PCDHGA6: variants seen among roughly 807,000 people sequenced by gnomAD.
PCDHGA6 encodes protocadherin gamma-A6.
A neutral mutation model predicts 60.6 loss-of-function variants in PCDHGA6; 41 were observed. The observed-to-expected ratio is 0.68, with a 90% CI of 0.53 to 0.88. PCDHGA6 has a LOEUF of 0.88. Ranked by LOEUF, PCDHGA6 falls within the 40% of genes least tolerant of loss-of-function variation. The probability of loss-of-function intolerance (pLI) is 0.00; values close to 1 mark genes in which losing one functional copy is unlikely to be tolerated. For synonymous variants in PCDHGA6, 594 were observed against 524.4 expected, an observed-to-expected ratio of 1.13 and a Z score of -1.81; for missense variants, 1,312 against 1,203.0, an observed-to-expected ratio of 1.09 and a Z score of -1.34.
At chr5:141,383,138 G>A (rs538619604) in intron 1 of PCDHGA6, 56 of 1,614,132 alleles carry the variant, frequency 3.5e-5, no homozygotes, top group Admixed American at 2.7e-4. Flanking sequence ...CTGAACCAGC[G>A]CAGCGGCAGC....
At chr5:141,438,896 CCT>C (rs886177991) in intron 1 of PCDHGA6, among the ~76,000 whole-genome samples, 30 of 151,820 alleles carry the variant, frequency 2.0e-4, no homozygotes, top group Non-Finnish European at 7.4e-5. Context: ...GAACTCCTGA[CCT>C]CAGGTGATCC....
At chr5:141,449,796 A>G (rs1358409274) in intron 1 of PCDHGA6, among the ~76,000 whole-genome samples, 2 of 151,590 alleles carry the variant, frequency 1.3e-5, no homozygotes, top group Admixed American at 6.6e-5. Context: ...TTATTCCTAA[A>G]TACCTCATTG....
At chr5:141,389,811 G>A in intron 1 of PCDHGA6, 1 of 1,613,822 alleles carries the variant, frequency 6.2e-7, no homozygotes, top group Non-Finnish European at 8.5e-7. Flanking sequence ...CCTTCTGGTC[G>A]CCGTGCGTGA....
chr5:141,452,364 A>G (rs1330623001), intron 1 of PCDHGA6, among the ~76,000 whole-genome samples: 1 of 152,188 alleles, frequency 6.6e-6, no homozygotes, highest in African/African-American at 2.4e-5. Flanking sequence ...GCCTTGCTTC[A>G]TTTTAGTAGG....
chr5:141,478,293 T>C (rs2099444312), intron 1 of PCDHGA6: 2 of 1,614,026 alleles, frequency 1.2e-6, no homozygotes. Context: ...TCTAGAGACC[T>C]ATACCGAGCC....
chr5:141,442,153 C>T, intron 1 of PCDHGA6: 1 of 158,698 alleles, frequency 6.3e-6, no homozygotes, highest in Non-Finnish European at 1.4e-5. Flanking sequence ...CAGACCTCAG[C>T]GATCACTCTG....
chr5:141,402,977 C>T, intron 1 of PCDHGA6: 2 of 1,608,138 alleles, frequency 1.2e-6, no homozygotes, highest in Non-Finnish European at 8.5e-7. Flanking sequence ...CAAATGCCAG[C>T]TCCGCGGAAG....
chr5:141,414,009 TGGA>T (rs2095701451), intron 1 of PCDHGA6: 2 of 1,612,964 alleles, frequency 1.2e-6, no homozygotes, highest in Middle Eastern at 1.7e-4. Context: ...AAGGTGCCAA[TGGA>T]GAAGTGACAT....
intron 1 of PCDHGA6, among the ~76,000 whole-genome samples, chr5:141,455,410 G>A (rs1332059386): frequency 6.6e-6 from 1 of 152,130 alleles, no homozygotes; most frequent in Non-Finnish European, 1.5e-5. Context: ...CAGAGACAGA[G>A]GGAGCGGGGC....
intron 1 of PCDHGA6, chr5:141,423,397 C>A: frequency 1.9e-6 from 3 of 1,614,146 alleles, no homozygotes; most frequent in Non-Finnish European, 2.5e-6. Context: ...GCATAAGTCA[C>A]GCCTGCTGCA....
chr5:141,383,786 C>T, intron 1 of PCDHGA6: 1 of 1,613,928 alleles, frequency 6.2e-7, no homozygotes, highest in South Asian at 1.1e-5. Context: ...CATCTGAACT[C>T]GCTTACAGGA....
In PCDHGA6 at chr5:141,374,042, C is replaced by G. The variant is rs757758510; in HGVS notation, c.-42C>G. On this transcript the variant is annotated 5_prime_UTR_variant, in exon 1 of 4. Transcript: ENST00000517434. ...AGAGCAAAAGTGATGCAGATCTGTT[C>G]TTCCTCTTCTTAATCCCAGAGAAGT... is the stretch of plus-strand genomic sequence containing the variant. 2.7e-6 allele frequency: 4 copies of G among 1,460,408 alleles called. No individual in the cohort carries two copies. Among genetic ancestry groups the G allele is most frequent in the Admixed American group, 5.4e-5 (2 of 36,762 alleles). 90.5% of individuals were successfully genotyped at this position (1,460,408 alleles called of 1,614,324 possible).
chr5:141,407,505 T>TTTTTTTTTTTTTTTTTTTTTTG (rs1460306566), intron 1 of PCDHGA6, among the ~76,000 whole-genome samples: 3 of 152,144 alleles, frequency 2.0e-5, no homozygotes, highest in African/African-American at 4.8e-5. Flanking sequence ...CTGTTTTTCT[T>TTTTTTTTTTTTTTTTTTTTTTG]AGGCTATGTA....
chr5:141,385,004 G>T, intron 1 of PCDHGA6: 1 of 1,614,140 alleles, frequency 6.2e-7, no homozygotes, highest in Non-Finnish European at 8.5e-7. Flanking sequence ...ACAGTCTCCT[G>T]CGTCTTCCTA....
chr5:141,423,050 G>C, intron 1 of PCDHGA6: 1 of 1,614,186 alleles, frequency 6.2e-7, no homozygotes, highest in Non-Finnish European at 8.5e-7. Flanking sequence ...CTGTCCTATC[G>C]CCTGCTTAAG....
chr5:141,500,484 C>T (rs2099800696), intron 2 of PCDHGA6, among the ~76,000 whole-genome samples: 1 of 152,304 alleles, frequency 6.6e-6, no homozygotes, highest in Non-Finnish European at 1.5e-5. Context: ...GCTGGGATTA[C>T]AGGCGTGAGC....
At chr5:141,409,185 C>A in intron 1 of PCDHGA6, 1 of 1,614,024 alleles carries the variant, frequency 6.2e-7, no homozygotes, top group Non-Finnish European at 8.5e-7. Flanking sequence ...GGTGGTCTCT[C>A]TACCCAGTGT....
At position 141,381,228 on chromosome 5, in the gene PCDHGA6, A is replaced by G. The variant is rs182297381; in HGVS notation, c.2424+4721A>G. ...TCTGGATTCTCCTCCTGGTTCCACC[A>G]ACTACTCTCCAGGACCTAGAAGAAT... On this transcript the variant is annotated intron_variant, in intron 1 of 3. Transcript: ENST00000517434. Among the ~76,000 whole-genome samples, 8 of 152,396 alleles carry G rather than the reference A, an allele frequency of 5.2e-5. No individual in the cohort carries two copies. In the East Asian group the frequency reaches 1.5e-3, roughly 29 times the overall value.
rs755429700 is a variant in PCDHGA6, at chr5:141,375,609, C to G, written c.1526C>G (p.Ser509Cys). ...APLSSYVSIN[S>C]DTGILYALRS... ...CTGTCCTCCTACGTGTCCATCAACT[C>G]CGACACTGGGATTCTGTACGCCCTG... Residue 509 changes from serine to cysteine, a missense_variant, in exon 1 of 4, where the codon TCC becomes TGC. Ser to Cys is a moderately radical substitution (Grantham distance 112, BLOSUM62 -1). Coordinates refer to ENST00000517434, the MANE Select transcript of PCDHGA6 (RefSeq NM_018919.3). 9.9e-6 allele frequency: 16 copies of G among 1,614,108 alleles called. No homozygotes were observed. The African/African-American group carries it at 2.1e-4, about 22-fold the overall frequency.
Sources: allele counts gnomAD v4.1 joint callset (sites outside exome capture counted in the v4.1 genomes callset), GRCh38; gene constraint gnomAD v4.1.1; transcripts MANE v1.5; gene names NCBI Gene and HGNC (gene_info 2026-07-23, HGNC 2026-07-21).